ZNF91: variants seen among roughly 807,000 people sequenced by gnomAD.
ZNF91 encodes the protein zinc finger protein 91 (HPF7, HTF10).
In ZNF91, 7 loss-of-function variants were observed where a neutral mutation model predicts 12.6. That is an observed-to-expected ratio of 0.55 (90% CI 0.31 to 1.04). The LOEUF is 1.04. ZNF91 is among the 50% of genes least tolerant of loss of function. The probability of loss-of-function intolerance (pLI) is 0.05; values close to 1 mark genes in which losing one functional copy is unlikely to be tolerated. For missense variants in ZNF91, 1,217 were observed against 1,385.4 expected (o/e 0.88, Z 1.93); for synonymous variants, 453 against 462.6 (o/e 0.98, Z 0.27).
rs35833976 is a variant in ZNF91, at chr19:23,320,331, T to A, written n.117-11234A>T. On this transcript the variant is annotated intron_variant and non_coding_transcript_variant, in intron 1 of 1. Transcript: ENST00000596528. Reference sequence around the variant, plus strand: ...GCTCATATCAGCATGAAGGTCTTAATGCAGATTGCAATTCTCATGCATATC... The same window carrying A: ...GCTCATATCAGCATGAAGGTCTTAAAGCAGATTGCAATTCTCATGCATATC... 0.011 allele frequency among the ~76,000 whole-genome samples: 1,660 copies of A among 152,328 alleles called. 153 individuals are homozygous for A. In the East Asian group the frequency reaches 0.23, roughly 21 times the overall value.
intron 3 of ZNF91, among the ~76,000 whole-genome samples, chr19:23,340,740 TTTA>T (rs2145881635): frequency 6.7e-6 from 1 of 150,302 alleles, no homozygotes; most frequent in East Asian, 1.9e-4. Context: ...TAAATTATTA[TTTA>T]TTATATTATT....
intron 3 of ZNF91, among the ~76,000 whole-genome samples, chr19:23,350,816 G>T (rs948089049): frequency 1.3e-5 from 2 of 152,072 alleles, no homozygotes; most frequent in Non-Finnish European, 2.9e-5. Context: ...GCGTCAGACT[G>T]GGACACTTCC....
At chr19:23,384,758 A>G in intron 1 of ZNF91, 1 of 631,042 alleles carries the variant, frequency 1.6e-6, no homozygotes, top group Non-Finnish European at 2.9e-6. Context: ...CACCTGGGTC[A>G]GCTCCCCGGG....
intron 3 of ZNF91, among the ~76,000 whole-genome samples, chr19:23,342,769 C>T (rs1037856085): frequency 2.6e-5 from 4 of 151,928 alleles, no homozygotes; most frequent in South Asian, 2.1e-4. Context: ...TTATTCTCAC[C>T]GAGAGACCAG....
intron 3 of ZNF91, among the ~76,000 whole-genome samples, chr19:23,347,027 C>T (rs1269175408): frequency 1.3e-5 from 2 of 152,022 alleles, no homozygotes; most frequent in African/African-American, 4.8e-5. Context: ...CAGACCAACC[C>T]CTTCCAGATG....
At chr19:23,355,237 A>G (rs1968456631), downstream of ZNF91, among the ~76,000 whole-genome samples, 1 of 152,238 alleles carries the variant, frequency 6.6e-6, no homozygotes. Context: ...TCACCAAAAC[A>G]GCATGGTGCT....
chr19:23,349,737 G>A (rs539632109), intron 3 of ZNF91, among the ~76,000 whole-genome samples: 107 of 152,178 alleles, frequency 7.0e-4, no homozygotes, highest in South Asian at 1.2e-3. Flanking sequence ...TGGATTCATC[G>A]CACTAGGGTC....
chr19:23,394,651 C>T (rs1599766542), intron 1 of ZNF91, among the ~76,000 whole-genome samples: 1 of 152,080 alleles, frequency 6.6e-6, no homozygotes. Context: ...TCGCTTGAAC[C>T]CGGAAGGCAG....
At chr19:23,373,368 ATATATATATATATAT>A (rs1555743031) in intron 3 of ZNF91, among the ~76,000 whole-genome samples, 21 of 130,824 alleles carry the variant, frequency 1.6e-4, no homozygotes, top group Admixed American at 3.0e-4. Context: ...ATATATATAT[ATATATATATATATAT>A]ATAAATAAAC....
chr19:23,357,201 C>T (rs561883938), downstream of ZNF91, among the ~76,000 whole-genome samples: 18 of 151,986 alleles, frequency 1.2e-4, no homozygotes, highest in East Asian at 2.9e-3. Context: ...CACTCCAGCC[C>T]GGGAGAAAGA....
chr19:23,360,120 A>G lies in ZNF91; in HGVS notation c.2859T>C (p.Leu953=). The change falls in exon 4 of 4, where the codon CTT becomes CTC. Residue 953 remains leucine (L), a synonymous_variant. Transcript: ENST00000300619. ...CGKAFSQSST[L]TTHKIIHTGE... ...CAGTATGAATTATCTTATGTGTAGT[A>G]AGGGTTGAGGATTGGCTAAAAGCTT... is the stretch of plus-strand genomic sequence containing the variant. The G allele has an allele frequency of 6.2e-7, 1 of 1,611,460 alleles. No homozygotes were observed. The highest frequency in any genetic ancestry group is 8.5e-7 in the Non-Finnish European group (1 of 1,179,370).
At chr19:23,367,616 G>A (rs561894614) in intron 3 of ZNF91, among the ~76,000 whole-genome samples, 6 of 151,948 alleles carry the variant, frequency 3.9e-5, no homozygotes, top group African/African-American at 1.5e-4. Context: ...AAAAACAAAG[G>A]CATTATAACT....
intron 1 of ZNF91, among the ~76,000 whole-genome samples, chr19:23,382,480 A>T (rs1381871390): frequency 6.6e-6 from 1 of 152,248 alleles, no homozygotes; most frequent in Non-Finnish European, 1.5e-5. Context: ...ATTGAAGAAG[A>T]AAATTAACAA....
intron 1 of ZNF91, among the ~76,000 whole-genome samples, chr19:23,318,381 A>G (rs1414210689): frequency 6.6e-6 from 1 of 151,928 alleles, no homozygotes; most frequent in African/African-American, 2.4e-5. Flanking sequence ...GTGACTCATC[A>G]CTGGGCCCAG....
At chr19:23,329,440 C>G (rs974515650) in intron 1 of ZNF91, among the ~76,000 whole-genome samples, 2 of 152,180 alleles carry the variant, frequency 1.3e-5, no homozygotes, top group South Asian at 4.1e-4. Flanking sequence ...CCATGAAGAA[C>G]ATAAGTGGTC....
Position 23,382,720 on chromosome 19 carries a change from A to G in ZNF91, c.31-7956T>C, listed in dbSNP as rs377714851. On this transcript the variant is annotated intron_variant, in intron 1 of 3. Transcript: ENST00000300619. ...CCACAAAAACATCTTGAAGTCTATT[A>G]TGAACACCTCTGTGCACACAAACAA... Among the ~76,000 whole-genome samples, 70 of 152,354 alleles carry G rather than the reference A, an allele frequency of 4.6e-4. No homozygotes were observed. In the South Asian group the frequency reaches 0.014, roughly 30 times the overall value.
rs752957053 is a variant in ZNF91, at chr19:23,362,460, C to T, written c.519G>A (p.Thr173=). ...FYKFLNSNRH[T]IRHTGKKCFK... is the part of the protein sequence containing the mutation. ...AGCATTTCTTTCCAGTATGTCTTAT[C>T]GTATGTCTGTTTGAATTTAAAAATT... Residue 173 remains threonine, a synonymous_variant, in exon 4 of 4, where the codon ACG becomes ACA. Transcript: ENST00000300619. 22 of 1,608,116 alleles carry T rather than the reference C, an allele frequency of 1.4e-5. No homozygotes were observed. The highest frequency in any genetic ancestry group is 8.1e-5 in the African/African-American group (6 of 74,388).
At chr19:23,374,559 CAAAAAA>C in intron 2 of ZNF91, 73 bp downstream of exon 2, 143 of 887,630 alleles carry the variant, frequency 1.6e-4, no homozygotes, top group East Asian at 3.9e-4. Context: ...GACTCTGTCT[CAAAAAA>C]AAAAAAAAAA....
intron 1 of ZNF91, among the ~76,000 whole-genome samples, chr19:23,384,199 G>A (rs563984411): frequency 1.3e-5 from 2 of 152,318 alleles, no homozygotes; most frequent in South Asian, 4.1e-4. Flanking sequence ...TTCCACATCA[G>A]GAAAACCGTA....
Sources: gnomAD v4.1 joint callset for allele counts (sites outside exome capture counted in the v4.1 genomes callset) on GRCh38, gnomAD v4.1.1 for gene constraint, MANE v1.5 for transcripts, NCBI Gene and HGNC (gene_info 2026-07-23, HGNC 2026-07-21) for gene names.